The following AUTS2 variants were observed in gnomAD, a reference collection of about 807,000 sequenced individuals.
The protein encoded by AUTS2 is autism susceptibility gene 2 protein.
AUTS2 carries 17 observed loss-of-function variants against 112.4 expected under a neutral mutation model. That is an observed-to-expected ratio of 0.15 (90% confidence interval 0.10 to 0.23). AUTS2 has a LOEUF of 0.23. AUTS2 is among the 10% of genes least tolerant of loss of function. The pLI is 1.00. For synonymous variants in AUTS2, 751 were observed against 702.7 expected (o/e 1.07, Z -1.09); for missense variants, 1,510 against 1,701.6 (o/e 0.89, Z 1.98).
chr7:69,712,609 TTATC>T (rs1361115936), intron 1 of AUTS2, among the ~76,000 whole-genome samples: 4 of 152,174 alleles, frequency 2.6e-5, no homozygotes, highest in Admixed American at 6.5e-5. Context: ...CAAAGTTTGT[TTATC>T]TATTTTTAAA....
At chr7:70,644,881 G>A (rs1237041733) in intron 5 of AUTS2, among the ~76,000 whole-genome samples, 1 of 152,154 alleles carries the variant, frequency 6.6e-6, no homozygotes, top group Non-Finnish European at 1.5e-5. Context: ...GGTGAAGGAT[G>A]GCCCAGAAGT....
intron 2 of AUTS2, among the ~76,000 whole-genome samples, chr7:70,096,937 C>T (rs1562689466): frequency 6.6e-6 from 1 of 152,190 alleles, no homozygotes; most frequent in Non-Finnish European, 1.5e-5. Context: ...TATTGGGCAG[C>T]ATTTACACCA....
intron 4 of AUTS2, among the ~76,000 whole-genome samples, chr7:70,318,321 C>T (rs539960629): frequency 6.6e-6 from 1 of 151,938 alleles, no homozygotes; most frequent in South Asian, 2.1e-4. Flanking sequence ...GGAGCAAGGA[C>T]GTGGGCTAGA....
At chr7:70,054,198 G>T (rs1379135427) in intron 2 of AUTS2, among the ~76,000 whole-genome samples, 1 of 152,216 alleles carries the variant, frequency 6.6e-6, no homozygotes, top group Non-Finnish European at 1.5e-5. Flanking sequence ...ATAGCCATGT[G>T]TAGCCAGTGG....
At chr7:69,691,845 T>C (rs117854460) in intron 1 of AUTS2, among the ~76,000 whole-genome samples, 2,249 of 152,138 alleles carry the variant, frequency 0.015, 21 homozygotes, top group Non-Finnish European at 0.024. Context: ...TTTTTTCCTG[T>C]AGGGAGGATA....
At chr7:70,421,879 G>A (rs1267767268) in intron 4 of AUTS2, among the ~76,000 whole-genome samples, 1 of 152,186 alleles carries the variant, frequency 6.6e-6, no homozygotes, top group South Asian at 2.1e-4. Flanking sequence ...CTTGAGACTG[G>A]CAAACCAGTG....
intron 4 of AUTS2, among the ~76,000 whole-genome samples, chr7:70,383,023 T>C (rs1439967119): frequency 6.6e-6 from 1 of 152,244 alleles, no homozygotes; most frequent in Non-Finnish European, 1.5e-5. Context: ...GAGATCAAAT[T>C]CTACCTTTTT....
At chr7:70,027,934 T>A (rs1046954726) in intron 2 of AUTS2, among the ~76,000 whole-genome samples, 10 of 152,314 alleles carry the variant, frequency 6.6e-5, no homozygotes, top group African/African-American at 2.2e-4. Flanking sequence ...GGTGGAGAAC[T>A]TTATTTCAGT....
chr7:69,647,694 T>G (rs1584002887), intron 1 of AUTS2, among the ~76,000 whole-genome samples: 1 of 152,212 alleles, frequency 6.6e-6, no homozygotes, highest in Non-Finnish European at 1.5e-5. Context: ...TGTATTAGTT[T>G]CCAAGGCTGC....
intron 1 of AUTS2, among the ~76,000 whole-genome samples, chr7:69,887,308 T>C (rs1406809863): frequency 6.7e-6 from 1 of 149,262 alleles, no homozygotes; most frequent in Admixed American, 6.8e-5. Context: ...CCCAGCTACA[T>C]GGGAGGCTGA....
At chr7:69,771,779 A>G (rs1442868733) in intron 1 of AUTS2, among the ~76,000 whole-genome samples, 1 of 137,838 alleles carries the variant, frequency 7.3e-6, no homozygotes, top group African/African-American at 2.8e-5. Flanking sequence ...GCTGCCTGTC[A>G]TGTGACCTTT....
At chr7:69,930,372 G>A (rs1706391919) in intron 2 of AUTS2, among the ~76,000 whole-genome samples, 1 of 152,040 alleles carries the variant, frequency 6.6e-6, no homozygotes, top group Non-Finnish European at 1.5e-5. Flanking sequence ...GATGTCCTCA[G>A]ACTCAACTCT....
At chr7:70,624,071 A>T (rs1405630498) in intron 5 of AUTS2, among the ~76,000 whole-genome samples, 1 of 152,218 alleles carries the variant, frequency 6.6e-6, no homozygotes, top group Non-Finnish European at 1.5e-5. Flanking sequence ...CACTAGAATT[A>T]TCTTTGATAG....
chr7:69,940,646 C>T (rs1174320753), intron 2 of AUTS2, among the ~76,000 whole-genome samples: 3 of 152,126 alleles, frequency 2.0e-5, no homozygotes, highest in Admixed American at 2.0e-4. Flanking sequence ...ATGGGTATAA[C>T]ATGATGAGAT....
At chr7:70,615,503 G>GT (rs1481837620) in intron 5 of AUTS2, among the ~76,000 whole-genome samples, 1 of 151,860 alleles carries the variant, frequency 6.6e-6, no homozygotes, top group African/African-American at 2.4e-5. Context: ...TGCAGGAAAA[G>GT]TCTAGATTTT....
chr7:70,052,618 C>T (rs1056225051), intron 2 of AUTS2, among the ~76,000 whole-genome samples: 1 of 152,160 alleles, frequency 6.6e-6, no homozygotes, highest in African/African-American at 2.4e-5. Flanking sequence ...CCAACTGTAG[C>T]CCTACTCATA....
intron 2 of AUTS2, among the ~76,000 whole-genome samples, chr7:70,057,033 T>C (rs1236377028): frequency 6.6e-6 from 1 of 152,206 alleles, no homozygotes; most frequent in African/African-American, 2.4e-5. Context: ...CAAATGCCTT[T>C]GCACATGCAT....
chr7:69,755,915 AT>A (rs1248424526), intron 1 of AUTS2, among the ~76,000 whole-genome samples: 1 of 152,150 alleles, frequency 6.6e-6, no homozygotes, highest in African/African-American at 2.4e-5. Flanking sequence ...AACCTGAATG[AT>A]TTTATAGTTT....
At chr7:70,165,468 G>A (rs1009573491) in intron 4 of AUTS2, among the ~76,000 whole-genome samples, 2 of 152,176 alleles carry the variant, frequency 1.3e-5, no homozygotes, top group Non-Finnish European at 2.9e-5. Context: ...TTTTATGTCA[G>A]AAATTATGTT....
Sources: gnomAD v4.1 joint callset for allele counts (sites outside exome capture counted in the v4.1 genomes callset) on GRCh38, gnomAD v4.1.1 for gene constraint, MANE v1.5 for transcripts, NCBI Gene and HGNC (gene_info 2026-07-23, HGNC 2026-07-21) for gene names.